SLC14A2: variants seen among roughly 807,000 people sequenced by gnomAD.
SLC14A2 encodes solute carrier family 14 member 2, also known as urea transporter 2.
SLC14A2 carries 91 observed loss-of-function variants against 104.6 expected under a neutral mutation model. That is an observed-to-expected ratio of 0.87 (90% CI 0.73 to 1.04). The LOEUF (loss-of-function observed/expected upper bound fraction) is 1.04, where lower values mean the gene tolerates loss of function less well. SLC14A2 is among the 50% of genes least tolerant of loss of function. The pLI is 0.00. For synonymous variants in SLC14A2, 476 were observed against 466.4 expected (o/e 1.02, Z -0.27); for missense variants, 1,189 against 1,156.0 (o/e 1.03, Z -0.41).
intron 1 of SLC14A2, among the ~76,000 whole-genome samples, chr18:45,345,130 TC>T (rs374721584): frequency 1.3e-5 from 2 of 152,270 alleles, no homozygotes; most frequent in African/African-American, 4.8e-5. Context: ...TAAAGGTGCT[TC>T]ATGTCAGTAC....
rs377598690 is a variant in SLC14A2 at position 45,522,973 on chromosome 18, C to G, written c.-35+39651C>G. On this transcript the variant is annotated intron_variant, in intron 2 of 20. Coordinates refer to the SLC14A2 transcript ENST00000586448. ...ACGCAGAGCATGCCATGGCTTGGCA[C>G]GCATGCAACCAAAAAACTGATCTCT... Among the ~76,000 whole-genome samples, 87 of 152,226 alleles carry G rather than the reference C, an allele frequency of 5.7e-4. No homozygotes were observed. The East Asian group carries it at 6.8e-3, about 12-fold the overall frequency.
chr18:45,600,501 C>T (rs2044772995), intron 2 of SLC14A2, among the ~76,000 whole-genome samples: 1 of 152,168 alleles, frequency 6.6e-6, no homozygotes. Flanking sequence ...CAGGCAGCCT[C>T]AGGGTATGGT....
intron 10 of SLC14A2, among the ~76,000 whole-genome samples, chr18:45,644,788 T>C (rs1408265366): frequency 6.6e-6 from 1 of 152,242 alleles, no homozygotes; most frequent in African/African-American, 2.4e-5. Context: ...ATTAGAATCC[T>C]ATATATGACT....
intron 1 of SLC14A2, among the ~76,000 whole-genome samples, chr18:45,354,198 G>A (rs1394349231): frequency 3.9e-5 from 6 of 152,194 alleles, no homozygotes; most frequent in Non-Finnish European, 8.8e-5. Flanking sequence ...GCTGATTCAA[G>A]CTTATCTAAG....
rs144810560 is a variant in SLC14A2, at chr18:45,677,811, G to A, written c.2513-1164G>A. On this transcript the variant is annotated intron_variant, in intron 18 of 19. Transcript: ENST00000255226. Reference sequence around the variant, plus strand: ...TCATTTAACTCATTCTCTTTTGTTTGTTTGTTTGTTGTTTGTTTTTTGAGA... The same window carrying A: ...TCATTTAACTCATTCTCTTTTGTTTATTTGTTTGTTGTTTGTTTTTTGAGA... 7.6e-4 allele frequency among the ~76,000 whole-genome samples: 116 copies of A among 152,220 alleles called. No homozygotes were observed. The East Asian group carries it at 0.018, about 24-fold the overall frequency.
In SLC14A2 at chr18:45,653,022, G is replaced by A. The variant is rs554583662; in HGVS notation, c.1351+8862G>A. On this transcript the variant is annotated intron_variant, in intron 10 of 19. Coordinates refer to ENST00000255226, the MANE Select transcript of SLC14A2 (RefSeq NM_007163.4). The stretch of plus-strand genomic sequence containing the variant: ...GGATGCTTAGGTAGCTGGAGTGAGC[G>A]CATCTCAAGAAGTTCAGGAGCCCTT... Among the ~76,000 whole-genome samples, 10 of 151,870 alleles carry A rather than the reference G, an allele frequency of 6.6e-5. No homozygotes were observed. The East Asian group carries it at 1.5e-3, about 24-fold the overall frequency.
At chr18:45,202,764 T>C in the SLC14A2 span, among the ~76,000 whole-genome samples, 22 of 152,034 alleles carry the variant, frequency 1.4e-4, no homozygotes, top group Non-Finnish European at 2.7e-4. Flanking sequence ...CATCATAAAG[T>C]ATGCTCATGT....
chr18:45,506,396 G>T (rs1253569973), intron 2 of SLC14A2, among the ~76,000 whole-genome samples: 1 of 152,188 alleles, frequency 6.6e-6, no homozygotes, highest in Non-Finnish European at 1.5e-5. Flanking sequence ...TGAATTCCGA[G>T]CTGTAGTGGG....
At chr18:45,450,674 A>G (rs2086843312) in intron 1 of SLC14A2, among the ~76,000 whole-genome samples, 1 of 152,220 alleles carries the variant, frequency 6.6e-6, no homozygotes, top group Non-Finnish European at 1.5e-5. Flanking sequence ...CAATCCCCAT[A>G]TCTGCAAGGT....
At chr18:45,549,518 G>C (rs763349227) in intron 2 of SLC14A2, among the ~76,000 whole-genome samples, 23 of 152,194 alleles carry the variant, frequency 1.5e-4, no homozygotes, top group Non-Finnish European at 3.2e-4. Context: ...AGGGAAGCAG[G>C]GGGGAAGAAA....
intron 1 of SLC14A2, among the ~76,000 whole-genome samples, chr18:45,292,923 TATGTG>T (rs1158195937): frequency 5.3e-5 from 8 of 151,634 alleles, no homozygotes; most frequent in African/African-American, 1.9e-4. Context: ...TTCAAGATGA[TATGTG>T]ATGTGCAAGT....
intron 1 of SLC14A2, among the ~76,000 whole-genome samples, chr18:45,287,663 C>A (rs1253941392): frequency 6.6e-6 from 1 of 152,248 alleles, no homozygotes; most frequent in East Asian, 1.9e-4. Context: ...CTGCCCCATC[C>A]TCCTGCCTGC....
At chr18:45,607,541 G>C (rs11875454) in intron 2 of SLC14A2, among the ~76,000 whole-genome samples, 12,730 of 152,164 alleles carry the variant, frequency 0.084, 648 homozygotes, top group East Asian at 0.19. Context: ...TTGGGTTCCT[G>C]CTAGGAGACC....
At chr18:45,418,308 CAA>C (rs1477317857) in intron 1 of SLC14A2, among the ~76,000 whole-genome samples, 1 of 152,062 alleles carries the variant, frequency 6.6e-6, no homozygotes, top group Non-Finnish European at 1.5e-5. Flanking sequence ...TAATAAGAAA[CAA>C]ATGTCTTGTG....
At position 45,260,790 on chromosome 18, in the gene SLC14A2, A is replaced by C. The variant is rs570921943; in HGVS notation, c.-125+47599A>C. Among the ~76,000 whole-genome samples the C allele has an allele frequency of 2.6e-5, 4 of 152,228 alleles. No homozygotes were observed. In the South Asian group the frequency reaches 8.3e-4, roughly 32 times the overall value. ...GCATTTACTGGGAGCTAAACATTGA[A>C]TACACATGGTCATAATGATGGTAAC... On this transcript the variant is annotated intron_variant, in intron 1 of 20. Transcript: ENST00000586448.
At chr18:45,263,470 A>T (rs2084560208) in intron 1 of SLC14A2, among the ~76,000 whole-genome samples, 2 of 152,276 alleles carry the variant, frequency 1.3e-5, no homozygotes, top group South Asian at 4.2e-4. Context: ...ATCTTAGAGG[A>T]GATACTTTGA....
intron 2 of SLC14A2, chr18:45,529,688 G>T (rs935385009): frequency 7.2e-5 from 11 of 152,224 alleles, no homozygotes; most frequent in African/African-American, 2.6e-4. Flanking sequence ...CAAGAGAAAA[G>T]GAGTTTTGAC....
At chr18:45,630,395 C>T (rs2045324769) in intron 4 of SLC14A2, among the ~76,000 whole-genome samples, 1 of 152,180 alleles carries the variant, frequency 6.6e-6, no homozygotes, top group South Asian at 2.1e-4. Context: ...CTGTCCCCAC[C>T]CCCAATTCCC....
chr18:45,286,253 A>G (rs2084813615), intron 1 of SLC14A2, among the ~76,000 whole-genome samples: 1 of 152,058 alleles, frequency 6.6e-6, no homozygotes, highest in Admixed American at 6.6e-5. Context: ...CATTATTTCC[A>G]TCTTTGTTCA....
Sources: allele counts gnomAD v4.1 joint callset (sites outside exome capture counted in the v4.1 genomes callset), GRCh38; gene constraint gnomAD v4.1.1; transcripts MANE v1.5; gene names NCBI Gene and HGNC (gene_info 2026-07-23, HGNC 2026-07-21).